PRKG1: variants seen among roughly 807,000 people sequenced by gnomAD.
The protein encoded by PRKG1 is cGMP-dependent protein kinase 1.
A neutral mutation model predicts 88.1 loss-of-function variants in PRKG1; 35 were observed. The ratio of observed to expected loss-of-function variants is 0.40; its 90% CI spans 0.30 to 0.53. The LOEUF (loss-of-function observed/expected upper bound fraction) is 0.53. PRKG1 is among the 20% of genes least tolerant of loss of function. The probability of loss-of-function intolerance (pLI) is 0.59; values close to 1 mark genes in which losing one functional copy is unlikely to be tolerated. For synonymous variants in PRKG1, 303 were observed against 292.5 expected, an observed-to-expected ratio of 1.04 and a Z score of -0.37; for missense variants, 540 against 839.8, an observed-to-expected ratio of 0.64 and a Z score of 4.41.
intron 5 of PRKG1, among the ~76,000 whole-genome samples, chr10:51,911,655 C>T (rs1427035606): frequency 6.6e-6 from 1 of 152,094 alleles, no homozygotes. Context: ...ATACAGTACC[C>T]AGTACAAACA....
At position 51,759,209 on chromosome 10, in the gene PRKG1, C is replaced by T. The variant is rs555967717; in HGVS notation, c.593-45376C>T. On this transcript the variant is annotated intron_variant, in intron 3 of 17. Transcript: ENST00000373980. Reference sequence around the variant, plus strand: ...TGATTTATAATCCTTTGGGTATATACCTAGAAATGGGATTGCTGGGTCAAA... The same window carrying T: ...TGATTTATAATCCTTTGGGTATATATCTAGAAATGGGATTGCTGGGTCAAA... Among the ~76,000 whole-genome samples the T allele has an allele frequency of 1.4e-3, 208 of 152,070 alleles. 1 individual carries two copies. The highest frequency in any genetic ancestry group is 4.8e-3 in the African/African-American group (200 of 41,490).
chr10:51,884,394 G>A (rs1350634052), intron 4 of PRKG1, among the ~76,000 whole-genome samples: 4 of 122,698 alleles, frequency 3.3e-5, no homozygotes, highest in African/African-American at 9.0e-5. Context: ...GCAGTGAGTC[G>A]AGATCGCGCC....
rs1333818374 is a variant in PRKG1, at chr10:51,628,004, CTCTCTCTT to C, written c.592+160172_592+160179del. 4.2e-3 allele frequency among the ~76,000 whole-genome samples: 186 copies of C among 44,118 alleles called. 3 individuals are homozygous for C. Among genetic ancestry groups the C allele is most frequent in the Middle Eastern group, 0.015 (1 of 68 alleles). The allele number at this position is 44,118 out of a possible 152,430, so 28.9% of individuals were successfully genotyped here. A position where few individuals can be genotyped will look rare whatever the true frequency, so the allele number is the denominator to read the frequency against. On this transcript the variant is annotated intron_variant, in intron 3 of 17. Transcript: ENST00000373980. ...TCTTTCTTTCTTTCTCTCTCTCTCT[CTCTCTCTT>C]TCTTTCTTTCTTTCTTTCTTTCTTT...
At chr10:51,606,816 C>T (rs945377808) in intron 3 of PRKG1, among the ~76,000 whole-genome samples, 1 of 152,038 alleles carries the variant, frequency 6.6e-6, no homozygotes, top group Admixed American at 6.6e-5. Flanking sequence ...GAATGAGATC[C>T]TATATTCAGA....
intron 9 of PRKG1, among the ~76,000 whole-genome samples, chr10:52,200,746 A>G (rs1839642879): frequency 6.6e-6 from 1 of 152,202 alleles, no homozygotes; most frequent in Non-Finnish European, 1.5e-5. Context: ...AGTAATAGCC[A>G]TTCTGACTCG....
intron 3 of PRKG1, among the ~76,000 whole-genome samples, chr10:51,682,684 C>T (rs1159519011): frequency 6.6e-6 from 1 of 152,172 alleles, no homozygotes; most frequent in African/African-American, 2.4e-5. Context: ...CTCCTAACTA[C>T]CCTTGGAGGT....
At chr10:51,758,238 G>A (rs879613127) in intron 3 of PRKG1, among the ~76,000 whole-genome samples, 2 of 152,172 alleles carry the variant, frequency 1.3e-5, no homozygotes, top group African/African-American at 4.8e-5. Context: ...CCAATGGTGG[G>A]TGGAGAGTAA....
At chr10:51,293,615 G>A (rs1374702764) in intron 2 of PRKG1, among the ~76,000 whole-genome samples, 1 of 151,966 alleles carries the variant, frequency 6.6e-6, no homozygotes, top group African/African-American at 2.4e-5. Flanking sequence ...TTCTTTATCT[G>A]TTCATCCACT....
rs192240421 is a variant in PRKG1 at position 52,163,098 on chromosome 10, A to G, written c.1076+1135A>G. 7.3e-5 allele frequency among the ~76,000 whole-genome samples: 11 copies of G among 150,502 alleles called. No individual in the cohort carries two copies. In the East Asian group the frequency reaches 1.6e-3, roughly 22 times the overall value. On this transcript the variant is annotated intron_variant, in intron 9 of 17. Transcript: ENST00000373980. The stretch of plus-strand genomic sequence containing the variant: ...GGTGGGAAAGGGGGTCATTTAAGGT[A>G]CCTTATCAGTTTTTAAAGTTGTACA...
chr10:52,034,808 G>C (rs1317342517), intron 5 of PRKG1, among the ~76,000 whole-genome samples: 1 of 152,156 alleles, frequency 6.6e-6, no homozygotes, highest in Non-Finnish European at 1.5e-5. Flanking sequence ...AAGTTGGTCT[G>C]GTGTCTGGAA....
intron 1 of PRKG1, among the ~76,000 whole-genome samples, chr10:51,099,805 C>T (rs971317024): frequency 6.6e-6 from 1 of 152,198 alleles, no homozygotes; most frequent in African/African-American, 2.4e-5. Flanking sequence ...TTTGATCATA[C>T]ACTTTGCTGT....
intron 3 of PRKG1, among the ~76,000 whole-genome samples, chr10:51,680,703 T>C (rs1840830658): frequency 6.6e-6 from 1 of 152,244 alleles, no homozygotes; most frequent in Admixed American, 6.5e-5. Context: ...CTCTGTACTT[T>C]CCTTTAATTT....
At chr10:51,137,594 T>C (rs1260108199) in intron 1 of PRKG1, among the ~76,000 whole-genome samples, 1 of 152,150 alleles carries the variant, frequency 6.6e-6, no homozygotes, top group Non-Finnish European at 1.5e-5. Flanking sequence ...ATGAAAGTCA[T>C]GTCAAATAAA....
intron 10 of PRKG1, among the ~76,000 whole-genome samples, chr10:52,254,407 G>A (rs981122664): frequency 6.6e-6 from 1 of 152,000 alleles, no homozygotes; most frequent in African/African-American, 2.4e-5. Flanking sequence ...ATAATACTTA[G>A]TGTCTTAGTT....
intron 5 of PRKG1, among the ~76,000 whole-genome samples, chr10:52,005,490 T>C (rs549008752): frequency 1.8e-4 from 28 of 152,150 alleles, no homozygotes; most frequent in Admixed American, 1.6e-3. Context: ...CTGCCACTGG[T>C]AGTTAGGCAG....
intron 4 of PRKG1, among the ~76,000 whole-genome samples, chr10:51,891,934 A>G (rs1161518678): frequency 6.6e-6 from 1 of 152,206 alleles, no homozygotes; most frequent in African/African-American, 2.4e-5. Flanking sequence ...AGCAGGAAAA[A>G]GGGAAGGAAG....
intron 3 of PRKG1, among the ~76,000 whole-genome samples, chr10:51,498,640 T>C (rs2132887599): frequency 6.6e-6 from 1 of 152,284 alleles, no homozygotes; most frequent in East Asian, 1.9e-4. Flanking sequence ...AGTAGATAAG[T>C]GGTGTCTATA....
At chr10:51,491,315 A>G (rs917261031) in intron 3 of PRKG1, among the ~76,000 whole-genome samples, 1 of 152,080 alleles carries the variant, frequency 6.6e-6, no homozygotes, top group Non-Finnish European at 1.5e-5. Flanking sequence ...CTACTGTCAG[A>G]CCTCCTAAAG....
rs1327993271 is a variant in PRKG1, at chr10:51,418,914, T to TA, written c.479-48808dup. The stretch of plus-strand genomic sequence containing the variant: ...ATACATTATGGGAAAGACTATTGTT[T>TA]AGGATTGCAGATACACATAGCAGGA... On this transcript the variant is annotated intron_variant, in intron 2 of 17. Transcript: ENST00000373980. Among the ~76,000 whole-genome samples, 13 of 152,300 alleles carry TA rather than the reference T, an allele frequency of 8.5e-5. No homozygotes were observed. In the East Asian group the frequency reaches 2.5e-3, roughly 29 times the overall value.
Sources: gnomAD v4.1 joint callset for allele counts (sites outside exome capture counted in the v4.1 genomes callset) on GRCh38, gnomAD v4.1.1 for gene constraint, MANE v1.5 for transcripts, NCBI Gene and HGNC (gene_info 2026-07-23, HGNC 2026-07-21) for gene names.